The following TAFA1 variants were observed in gnomAD, a reference collection of about 807,000 sequenced individuals.
TAFA1 encodes TAFA chemokine like family member 1, also known as chemokine-like protein TAFA-1.
Under a neutral mutation model 18.5 loss-of-function variants are expected in TAFA1, and 4 were observed. The ratio of observed to expected loss-of-function variants is 0.22; its 90% CI spans 0.11 to 0.49. The LOEUF (loss-of-function observed/expected upper bound fraction) is 0.49. Among genes scored for constraint, TAFA1 ranks in the 20% least tolerant of loss-of-function variants. TAFA1 has a pLI of 0.98. For missense variants in TAFA1, 147 were observed against 169.0 expected, an observed-to-expected ratio of 0.87 and a Z score of 0.72; for synonymous variants, 56 against 55.2, an observed-to-expected ratio of 1.01 and a Z score of -0.06.
At position 68,321,142 on chromosome 3, in the gene TAFA1, G is replaced by C. The variant is rs76122489; in HGVS notation, c.119-96138G>C. Among the ~76,000 whole-genome samples the C allele has an allele frequency of 3.9e-3, 592 of 152,294 alleles. 4 individuals carry two copies. The highest frequency in any genetic ancestry group is 0.013 in the African/African-American group (555 of 41,556). On this transcript the variant is annotated intron_variant, in intron 2 of 4. Transcript: ENST00000478136. ...CTTGAGTATCTTTTTCTCTCGAATA[G>C]GGGATAAATATGGCCTGCTTCCTGG...
intron 3 of TAFA1, among the ~76,000 whole-genome samples, chr3:68,418,423 G>C: frequency 1.9e-5 from 1 of 53,086 alleles, no homozygotes; most frequent in African/African-American, 6.4e-5. Context: ...CGTCACTTAA[G>C]GGAAGGACCG....
intron 2 of TAFA1, among the ~76,000 whole-genome samples, chr3:68,081,333 C>T (rs1220780291): frequency 6.6e-6 from 1 of 152,142 alleles, no homozygotes; most frequent in Non-Finnish European, 1.5e-5. Flanking sequence ...ATTCTCCATC[C>T]AGCTTTGTTC....
chr3:68,049,638 G>A (rs762379200), intron 2 of TAFA1, among the ~76,000 whole-genome samples: 1 of 151,706 alleles, frequency 6.6e-6, no homozygotes, highest in Non-Finnish European at 1.5e-5. Flanking sequence ...ATTGAGGCTG[G>A]TAGTGGAGCA....
chr3:68,190,938 C>G (rs574047980), intron 2 of TAFA1, among the ~76,000 whole-genome samples: 1 of 151,794 alleles, frequency 6.6e-6, no homozygotes, highest in African/African-American at 2.4e-5. Context: ...ACCTCTCACC[C>G]CACATTGATT....
At chr3:68,361,035 C>T (rs1234822324) in intron 2 of TAFA1, among the ~76,000 whole-genome samples, 1 of 151,926 alleles carries the variant, frequency 6.6e-6, no homozygotes, top group African/African-American at 2.4e-5. Context: ...TTGCTGAAAA[C>T]TTTAATTACT....
chr3:68,136,256 G>A (rs995516217), intron 2 of TAFA1, among the ~76,000 whole-genome samples: 7 of 152,112 alleles, frequency 4.6e-5, no homozygotes, highest in South Asian at 2.1e-4. Flanking sequence ...TAAGCAACCC[G>A]AAAACAGAAA....
intron 3 of TAFA1, among the ~76,000 whole-genome samples, chr3:68,526,083 A>G (rs1204807752): frequency 6.6e-6 from 1 of 152,156 alleles, no homozygotes; most frequent in African/African-American, 2.4e-5. Context: ...CAGAGTTAAG[A>G]GACACTTCTC....
intron 2 of TAFA1, among the ~76,000 whole-genome samples, chr3:68,041,827 T>G (rs989202738): frequency 2.0e-5 from 3 of 152,194 alleles, no homozygotes; most frequent in African/African-American, 7.2e-5. Context: ...AGGAAGGGCA[T>G]AGAGGACCCA....
intron 2 of TAFA1, among the ~76,000 whole-genome samples, chr3:68,218,910 C>T (rs1252748427): frequency 6.6e-6 from 1 of 152,006 alleles, no homozygotes; most frequent in African/African-American, 2.4e-5. Context: ...ACAAATGTAA[C>T]TTCATTTCAT....
intron 2 of TAFA1, among the ~76,000 whole-genome samples, chr3:68,169,553 T>A (rs1335219106): frequency 2.0e-5 from 3 of 152,240 alleles, no homozygotes; most frequent in African/African-American, 7.2e-5. Flanking sequence ...CAAATGATAA[T>A]CATTGCTTTA....
rs573772739 is a variant in TAFA1 at position 68,009,737 on chromosome 3, C to T, written c.118+2993C>T. The stretch of plus-strand genomic sequence containing the variant: ...TAGCCATATTCTAGATTATTCCAGT[C>T]AGACTCTTTAATACAATCTTTTGAT... On this transcript the variant is annotated intron_variant, in intron 2 of 4. Transcript: ENST00000478136. Among the ~76,000 whole-genome samples, 4 of 152,240 alleles carry T rather than the reference C, an allele frequency of 2.6e-5. No individual in the cohort carries two copies. In the East Asian group the frequency reaches 7.7e-4, roughly 29 times the overall value.
intron 3 of TAFA1, among the ~76,000 whole-genome samples, chr3:68,486,006 C>T (rs1191154775): frequency 2.0e-5 from 3 of 152,126 alleles, no homozygotes; most frequent in Non-Finnish European, 4.4e-5. Context: ...TGGCTCACTG[C>T]AGCTTCGACC....
At chr3:68,392,176 CA>C (rs57440480) in intron 2 of TAFA1, among the ~76,000 whole-genome samples, 40,519 of 108,490 alleles carry the variant, frequency 0.37, 6,563 homozygotes, top group East Asian at 0.66. Context: ...TTTAGGAAAG[CA>C]AAAAAAAAAA....
At chr3:68,181,984 A>T (rs998184166) in intron 2 of TAFA1, among the ~76,000 whole-genome samples, 1 of 152,150 alleles carries the variant, frequency 6.6e-6, no homozygotes, top group Admixed American at 6.5e-5. Context: ...AGGCAGGAGG[A>T]TCACTTGAGC....
rs182880752 is a variant in TAFA1 at position 68,191,843 on chromosome 3, G to A, written c.118+185099G>A. On this transcript the variant is annotated intron_variant, in intron 2 of 4. Transcript: ENST00000478136. ...TAATTCTGGAGGCCTGATTGATATA[G>A]TTATTATCTAAGACGTGATTTGGTG... 6.3e-3 allele frequency among the ~76,000 whole-genome samples: 960 copies of A among 151,916 alleles called. 5 individuals carry two copies. Among genetic ancestry groups the A allele is most frequent in the South Asian group, 9.9e-3 (48 of 4,826 alleles).
At chr3:68,489,996 A>G (rs2072420064) in intron 3 of TAFA1, among the ~76,000 whole-genome samples, 1 of 152,218 alleles carries the variant, frequency 6.6e-6, no homozygotes. Context: ...TTTGTGAAAC[A>G]AAACAAAATA....
At chr3:68,431,614 G>C (rs1432288599) in intron 3 of TAFA1, among the ~76,000 whole-genome samples, 2 of 151,982 alleles carry the variant, frequency 1.3e-5, no homozygotes, top group Non-Finnish European at 2.9e-5. Flanking sequence ...ACTCATGAAA[G>C]ATATTAAGAT....
At chr3:68,120,255 TTCTTTC>T (rs2065382843) in intron 2 of TAFA1, among the ~76,000 whole-genome samples, 1 of 120,494 alleles carries the variant, frequency 8.3e-6, no homozygotes, top group African/African-American at 3.3e-5. Flanking sequence ...CTTTCTTTCT[TTCTTTC>T]TTTTTTGAGA....
At chr3:68,015,529 C>G (rs913591150) in intron 2 of TAFA1, among the ~76,000 whole-genome samples, 8 of 152,140 alleles carry the variant, frequency 5.3e-5, no homozygotes, top group African/African-American at 1.9e-4. Flanking sequence ...CTCAGGTGAT[C>G]CGCCCACTTA....
Sources: allele counts gnomAD v4.1 joint callset (sites outside exome capture counted in the v4.1 genomes callset), GRCh38; gene constraint gnomAD v4.1.1; transcripts MANE v1.5; gene names NCBI Gene and HGNC (gene_info 2026-07-23, HGNC 2026-07-21).